Variants in METTL15 observed in about 807,000 individuals in gnomAD.
The protein encoded by METTL15 is 12S rRNA N(4)-cytidine methyltransferase METTL15.
METTL15 carries 34 observed loss-of-function variants against 38.3 expected under a neutral mutation model. The observed-to-expected ratio is 0.89, with a 90% CI of 0.68 to 1.18. METTL15 has a LOEUF of 1.18. Among genes scored for constraint, METTL15 ranks in the 50% most tolerant of loss-of-function variants. METTL15 has a pLI of 0.00. For missense variants in METTL15, 438 were observed against 498.4 expected, an observed-to-expected ratio of 0.88 and a Z score of 1.15; for synonymous variants, 162 against 170.9, an observed-to-expected ratio of 0.95 and a Z score of 0.41.
intron 3 of METTL15, among the ~76,000 whole-genome samples, chr11:28,339,057 G>C (rs1321768488): frequency 3.9e-5 from 6 of 152,074 alleles, no homozygotes; most frequent in African/African-American, 1.4e-4. Flanking sequence ...AAACCAAACT[G>C]GACCTTGAAG....
intron 3 of METTL15, among the ~76,000 whole-genome samples, chr11:28,138,384 T>A (rs1477698326): frequency 6.6e-6 from 1 of 152,218 alleles, no homozygotes; most frequent in East Asian, 1.9e-4. Flanking sequence ...AAAATCCTTT[T>A]AAATCCCTCA....
At chr11:28,390,211 G>T (rs1239836048) in intron 5 of METTL15, among the ~76,000 whole-genome samples, 3 of 151,806 alleles carry the variant, frequency 2.0e-5, no homozygotes, top group African/African-American at 7.2e-5. Flanking sequence ...TTCTTTTGCT[G>T]TGCAGAAGCT....
chr11:28,430,251 C>A (rs1850906411), intron 6 of METTL15, among the ~76,000 whole-genome samples: 1 of 148,800 alleles, frequency 6.7e-6, no homozygotes, highest in African/African-American at 2.5e-5. Flanking sequence ...CCCGCCAGGC[C>A]AGCCGCCCCA....
intron 6 of METTL15, among the ~76,000 whole-genome samples, chr11:28,329,804 T>C (rs563496795): frequency 2.0e-5 from 3 of 152,172 alleles, no homozygotes; most frequent in South Asian, 2.1e-4. Flanking sequence ...AAAATGTCTT[T>C]GAACCTTTAT....
At chr11:28,329,271 G>T (rs912487449) in intron 6 of METTL15, among the ~76,000 whole-genome samples, 2 of 152,054 alleles carry the variant, frequency 1.3e-5, no homozygotes, top group African/African-American at 2.4e-5. Flanking sequence ...ATAGGTATGG[G>T]TTTATTTCTT....
At position 28,293,294 on chromosome 11, in the gene METTL15, C is replaced by A. The variant is rs571737580; in HGVS notation, c.599+2897C>A. ...CATATGGCTAGCGAGTTTTCCCAGC[C>A]CCATTTATTAAACAGGGAATCCTTT... On this transcript the variant is annotated intron_variant, in intron 5 of 6. Coordinates refer to ENST00000407364, the MANE Select transcript of METTL15 (RefSeq NM_001113528.2). 5.5e-4 allele frequency among the ~76,000 whole-genome samples: 84 copies of A among 152,146 alleles called. 1 individual carries two copies. The South Asian group carries it at 6.2e-3, about 11-fold the overall frequency.
chr11:28,259,960 C>T (rs1855133589), intron 4 of METTL15, among the ~76,000 whole-genome samples: 2 of 152,312 alleles, frequency 1.3e-5, no homozygotes, highest in South Asian at 4.2e-4. Context: ...CTCACCAATA[C>T]TTCTGATTAC....
intron 5 of METTL15, among the ~76,000 whole-genome samples, chr11:28,374,355 T>A (rs1242478401): frequency 1.3e-5 from 2 of 152,134 alleles, no homozygotes; most frequent in Non-Finnish European, 2.9e-5. Context: ...CAGCGGTTTG[T>A]AGCTCTCCTT....
intron 5 of METTL15, among the ~76,000 whole-genome samples, chr11:28,391,260 C>G (rs1725450054): frequency 6.6e-6 from 1 of 152,196 alleles, no homozygotes. Context: ...GAACTTCCCA[C>G]ACTATATTGA....
At chr11:28,512,786 C>T (rs1258574163) in intron 6 of METTL15, among the ~76,000 whole-genome samples, 1 of 152,196 alleles carries the variant, frequency 6.6e-6, no homozygotes, top group African/African-American at 2.4e-5. Context: ...TCCCACAGTG[C>T]AGTGGTGGGC....
downstream of METTL15, among the ~76,000 whole-genome samples, chr11:28,333,840 A>AT (rs1263817788): frequency 1.3e-5 from 2 of 151,828 alleles, no homozygotes; most frequent in East Asian, 1.9e-4. Flanking sequence ...GCCTAATTAG[A>AT]TTTTTTAAAT....
chr11:28,224,668 C>T (rs1006385903), intron 4 of METTL15, among the ~76,000 whole-genome samples: 1 of 151,584 alleles, frequency 6.6e-6, no homozygotes, highest in African/African-American at 2.4e-5. Flanking sequence ...GTATTTTTAT[C>T]GTATAATTAT....
At chr11:28,496,743 G>T (rs185043022) in intron 6 of METTL15, among the ~76,000 whole-genome samples, 1 of 152,328 alleles carries the variant, frequency 6.6e-6, no homozygotes, top group East Asian at 1.9e-4. Flanking sequence ...ATGAACTTGA[G>T]GCTCAGCTAG....
In METTL15 at chr11:28,129,563, C is replaced by T. The variant is rs181093325; in HGVS notation, c.270+15959C>T. ...TAGCTGGGACTACAGGTGTGCAGCT[C>T]TACGCCTGGCTGATTTTTATATTTT... On this transcript the variant is annotated intron_variant, in intron 3 of 6. Coordinates refer to ENST00000407364, the MANE Select transcript of METTL15 (RefSeq NM_001113528.2). 1.9e-3 allele frequency among the ~76,000 whole-genome samples: 296 copies of T among 152,174 alleles called. 2 individuals are homozygous for T. Among genetic ancestry groups the T allele is most frequent in the African/African-American group, 6.4e-3 (267 of 41,506 alleles).
At chr11:28,250,057 T>C (rs1854672420) in intron 4 of METTL15, among the ~76,000 whole-genome samples, 1 of 152,116 alleles carries the variant, frequency 6.6e-6, no homozygotes, top group Non-Finnish European at 1.5e-5. Flanking sequence ...CACGATCTTA[T>C]TCTTTTTTAT....
intron 6 of METTL15, among the ~76,000 whole-genome samples, chr11:28,478,593 C>A (rs571814751): frequency 6.6e-6 from 1 of 152,096 alleles, no homozygotes. Context: ...GATTTGGTAT[C>A]CCCGCTTTTG....
rs945926625 is a variant in METTL15 at position 28,183,111 on chromosome 11, T to A, written c.271-27951T>A. Among the ~76,000 whole-genome samples, 32 of 152,158 alleles carry A rather than the reference T, an allele frequency of 2.1e-4. 1 individual carries two copies. Among genetic ancestry groups the A allele is most frequent in the African/African-American group, 7.5e-4 (31 of 41,440 alleles). On this transcript the variant is annotated intron_variant, in intron 3 of 6. Transcript: ENST00000407364. ...GTGATTTTTGCACATTGATTTTGTA[T>A]CCTGAGACTTTGCTGAAGTTGCTTA...
intron 3 of METTL15, among the ~76,000 whole-genome samples, chr11:28,190,791 A>C (rs1336537537): frequency 6.6e-6 from 1 of 151,348 alleles, no homozygotes; most frequent in Non-Finnish European, 1.5e-5. Context: ...AAATTAATAC[A>C]AATTAAAATG....
At chr11:28,287,394 C>T (rs557827119) in intron 4 of METTL15, 4 of 369,792 alleles carry the variant, frequency 1.1e-5, no homozygotes, top group African/African-American at 8.7e-5. Flanking sequence ...TACATCAAAT[C>T]TGGGGGCTGA....
Sources: gnomAD v4.1 joint callset for allele counts (sites outside exome capture counted in the v4.1 genomes callset) on GRCh38, gnomAD v4.1.1 for gene constraint, MANE v1.5 for transcripts, NCBI Gene and HGNC (gene_info 2026-07-23, HGNC 2026-07-21) for gene names.